ARHGAP42: variants seen among roughly 807,000 people sequenced by gnomAD.
The protein encoded by ARHGAP42 is Rho GTPase activating protein 42, also known as rho GTPase-activating protein 42.
In ARHGAP42, 63 loss-of-function variants were observed where a neutral mutation model predicts 125.0. The ratio of observed to expected loss-of-function variants is 0.50; its 90% CI spans 0.41 to 0.62. The LOEUF (loss-of-function observed/expected upper bound fraction) is 0.62. Ranked by LOEUF, ARHGAP42 falls within the 20% of genes least tolerant of loss-of-function variation. The probability of loss-of-function intolerance (pLI) is 0.00; values close to 1 mark genes in which losing one functional copy is unlikely to be tolerated. For synonymous variants in ARHGAP42, 339 were observed against 351.0 expected (o/e 0.97, Z 0.38); for missense variants, 766 against 1,024.2 (o/e 0.75, Z 3.44).
rs116826278 is a variant in ARHGAP42 at position 100,861,811 on chromosome 11, G to A, written c.384+2186G>A. Among the ~76,000 whole-genome samples, 532 of 152,302 alleles carry A rather than the reference G, an allele frequency of 3.5e-3. 5 individuals are homozygous for A. The highest frequency in any genetic ancestry group is 0.012 in the African/African-American group (501 of 41,560). ...TCCATGTGATGTTGAGTTAGCAGGTGTGTATTCGGATCTGAATTAGAAACA... is the reference window on the plus strand; with the variant it reads ...TCCATGTGATGTTGAGTTAGCAGGTATGTATTCGGATCTGAATTAGAAACA... On this transcript the variant is annotated intron_variant, in intron 4 of 23. Coordinates refer to ENST00000298815, the MANE Select transcript of ARHGAP42 (RefSeq NM_152432.4).
intron 3 of ARHGAP42, among the ~76,000 whole-genome samples, chr11:100,837,941 A>ATTTTATTTTATTTTATTTTATTTTG (rs1591225088): frequency 2.7e-5 from 4 of 147,452 alleles, no homozygotes; most frequent in African/African-American, 7.7e-5. Flanking sequence ...ATTTTATTTT[A>ATTTTATTTTATTTTATTTTATTTTG]TTTTATTTTA....
At chr11:100,696,635 G>A (rs887780001) in intron 1 of ARHGAP42, among the ~76,000 whole-genome samples, 7 of 151,880 alleles carry the variant, frequency 4.6e-5, no homozygotes, top group Admixed American at 2.0e-4. Flanking sequence ...GATTACAGGC[G>A]TGAACCACTG....
At chr11:100,739,056 G>T (rs11224424) in intron 1 of ARHGAP42, among the ~76,000 whole-genome samples, 10,875 of 152,232 alleles carry the variant, frequency 0.071, 536 homozygotes, top group African/African-American at 0.14. Context: ...TAATTTTCCA[G>T]AATTCTAGGA....
chr11:100,774,103 C>G (rs1863050245), intron 2 of ARHGAP42, among the ~76,000 whole-genome samples: 1 of 152,156 alleles, frequency 6.6e-6, no homozygotes, highest in Non-Finnish European at 1.5e-5. Flanking sequence ...TGAGCTCCCA[C>G]ATATACTCTA....
chr11:100,832,223 A>T (rs1401770015), intron 3 of ARHGAP42, among the ~76,000 whole-genome samples: 1 of 152,176 alleles, frequency 6.6e-6, no homozygotes, highest in Non-Finnish European at 1.5e-5. Context: ...TTGTGTGGGG[A>T]TAGGCTTTTT....
At chr11:100,751,095 C>G (rs4087602) in intron 1 of ARHGAP42, among the ~76,000 whole-genome samples, 2 of 151,290 alleles carry the variant, frequency 1.3e-5, no homozygotes, top group Admixed American at 1.3e-4. Flanking sequence ...CCTGCCACCA[C>G]GCCTGGCTAA....
intron 12 of ARHGAP42, among the ~76,000 whole-genome samples, chr11:100,957,931 C>T: frequency 6.6e-6 from 1 of 151,936 alleles, no homozygotes; most frequent in East Asian, 1.9e-4. Context: ...TATCTTCATT[C>T]CTTTTTGTTG....
chr11:100,774,361 T>C (rs1382994658), intron 2 of ARHGAP42, among the ~76,000 whole-genome samples: 1 of 152,204 alleles, frequency 6.6e-6, no homozygotes, highest in African/African-American at 2.4e-5. Context: ...TTTACCTTGT[T>C]GAAGCCTGAG....
chr11:100,896,986 G>T (rs1178699336), intron 4 of ARHGAP42, among the ~76,000 whole-genome samples: 2 of 152,210 alleles, frequency 1.3e-5, no homozygotes, highest in Non-Finnish European at 2.9e-5. Flanking sequence ...TAACATTTAA[G>T]TCTTTAATCC....
At chr11:100,811,121 A>C (rs184012488) in intron 3 of ARHGAP42, among the ~76,000 whole-genome samples, 42 of 152,102 alleles carry the variant, frequency 2.8e-4, no homozygotes, top group African/African-American at 1.0e-3. Context: ...ACGCCCAGCT[A>C]ATTTTTGTAT....
At chr11:100,859,958 A>G (rs925683500) in intron 4 of ARHGAP42, 1 of 182,718 alleles carries the variant, frequency 5.5e-6, no homozygotes. Context: ...TGAAAATTCA[A>G]GCAGTGATTA....
chr11:100,744,985 G>A (rs1023281627), intron 1 of ARHGAP42, among the ~76,000 whole-genome samples: 3 of 152,110 alleles, frequency 2.0e-5, no homozygotes, highest in African/African-American at 7.2e-5. Flanking sequence ...GCTAAGGTTA[G>A]ACTGCACAGG....
intron 3 of ARHGAP42, among the ~76,000 whole-genome samples, chr11:100,806,557 T>G (rs745651357): frequency 6.6e-6 from 1 of 151,484 alleles, no homozygotes; most frequent in Non-Finnish European, 1.5e-5. Context: ...TATGTTGGCC[T>G]CCATAGCAAC....
intron 4 of ARHGAP42, among the ~76,000 whole-genome samples, chr11:100,898,416 G>T (rs1339725676): frequency 1.3e-5 from 2 of 152,116 alleles, no homozygotes; most frequent in Non-Finnish European, 2.9e-5. Context: ...AGAAAGAATG[G>T]TACCAGCTCC....
At chr11:100,946,283 A>T (rs1868014397) in intron 10 of ARHGAP42, among the ~76,000 whole-genome samples, 1 of 152,088 alleles carries the variant, frequency 6.6e-6, no homozygotes, top group African/African-American at 2.4e-5. Flanking sequence ...TATACACACC[A>T]CTAGAACTTT....
intron 3 of ARHGAP42, among the ~76,000 whole-genome samples, chr11:100,795,677 G>A (rs909139454): frequency 7.9e-5 from 12 of 152,180 alleles, no homozygotes; most frequent in African/African-American, 2.4e-4. Context: ...AGGTATTAGA[G>A]CATAGTTATT....
intron 4 of ARHGAP42, among the ~76,000 whole-genome samples, chr11:100,886,591 A>G (rs1866097926): frequency 6.6e-6 from 1 of 152,172 alleles, no homozygotes; most frequent in Admixed American, 6.6e-5. Context: ...TAGCTTTTGT[A>G]TCTGGACTAA....
At chr11:100,725,700 G>A (rs1238826185) in intron 1 of ARHGAP42, among the ~76,000 whole-genome samples, 1 of 151,880 alleles carries the variant, frequency 6.6e-6, no homozygotes, top group African/African-American at 2.4e-5. Flanking sequence ...CACTTTGGGA[G>A]GCCGATGTGG....
At chr11:100,977,995 G>A (rs915999522) in intron 21 of ARHGAP42, among the ~76,000 whole-genome samples, 11 of 152,164 alleles carry the variant, frequency 7.2e-5, no homozygotes, top group African/African-American at 2.2e-4. Context: ...CATGTTCAAT[G>A]TACCTTATCT....
Sources: allele counts gnomAD v4.1 joint callset (sites outside exome capture counted in the v4.1 genomes callset), GRCh38; gene constraint gnomAD v4.1.1; transcripts MANE v1.5; gene names NCBI Gene and HGNC (gene_info 2026-07-23, HGNC 2026-07-21).